Variants in TBC1D23 observed in about 807,000 individuals in gnomAD.
TBC1D23 encodes the protein TBC1 domain family member 23.
In TBC1D23, 55 loss-of-function variants were observed where a neutral mutation model predicts 91.4. The ratio of observed to expected loss-of-function variants is 0.60; its 90% CI spans 0.48 to 0.75. The LOEUF (loss-of-function observed/expected upper bound fraction) is 0.75. Ranked by LOEUF, TBC1D23 falls within the 30% of genes least tolerant of loss-of-function variation. TBC1D23 has a pLI of 0.00. For synonymous variants in TBC1D23, 289 were observed against 281.0 expected (o/e 1.03, Z -0.28); for missense variants, 725 against 836.1 (o/e 0.87, Z 1.64).
rs759486546 is a variant in TBC1D23, at chr3:100,304,847, A to G, written c.1265A>G (p.Lys422Arg). Residue 422 changes from lysine (K) to arginine (R), a missense_variant and splice_region_variant, in exon 12 of 19, where the codon AAA becomes AGA. Lys to Arg is a conservative substitution (Grantham distance 26). Coordinates refer to ENST00000394144, the MANE Select transcript of TBC1D23 (RefSeq NM_001199198.3). ...TTTAAATTTTCTTTTCCATTACAGA[A>G]AAACAAAGAATATGTGAGTATTGCC... The part of the protein sequence containing the change: ...MNMVLAHFLQ[K>R]NKEYVSIASG... The G allele has an allele frequency of 2.7e-6, 4 of 1,479,074 alleles. No homozygotes were observed. In the African/African-American group the frequency reaches 5.6e-5, roughly 21 times the overall value. 91.6% of individuals were successfully genotyped at this position (1,479,074 alleles called of 1,614,324 possible).
At chr3:100,301,232 C>G (rs1401262238) in intron 10 of TBC1D23, among the ~76,000 whole-genome samples, 2 of 139,150 alleles carry the variant, frequency 1.4e-5, no homozygotes, top group African/African-American at 5.5e-5. Flanking sequence ...GAGATCGCAC[C>G]AGTGCACTCC....
At chr3:100,299,369 T>A (rs566196818) in intron 10 of TBC1D23, 38 bp downstream of exon 10, 15 of 1,343,270 alleles carry the variant, frequency 1.1e-5, no homozygotes, top group Middle Eastern at 3.8e-4. Flanking sequence ...TTAAAGTAAC[T>A]TTTTTTCCTT....
chr3:100,295,414 C>G lies in TBC1D23; in HGVS notation c.772+66C>G, dbSNP rs558287373. ...TTATCTGTGTAAGTTACTCAGTTTC[C>G]TCATTCGTAAATTTAGGAGATTAGT... is the stretch of plus-strand genomic sequence containing the variant. On this transcript the variant is annotated intron_variant, in intron 7 of 18. Transcript: ENST00000394144. The G allele has an allele frequency of 1.0e-5, 14 of 1,340,410 alleles. No homozygotes were observed. In the East Asian group the frequency reaches 2.9e-4, roughly 28 times the overall value. The allele number at this position is 1,340,410 out of a possible 1,614,324, so 83.0% of individuals were successfully genotyped here. A position where few individuals can be genotyped will look rare whatever the true frequency, so the allele number is the denominator to read the frequency against.
chr3:100,289,382 G>A (rs1410446377), intron 4 of TBC1D23, among the ~76,000 whole-genome samples: 1 of 152,138 alleles, frequency 6.6e-6, no homozygotes, highest in East Asian at 1.9e-4. Flanking sequence ...GAACATAATA[G>A]TATCTAACAA....
intron 5 of TBC1D23, among the ~76,000 whole-genome samples, chr3:100,293,292 C>G (rs1484998313): frequency 1.3e-5 from 2 of 152,258 alleles, no homozygotes; most frequent in South Asian, 2.1e-4. Flanking sequence ...CGCCACCACA[C>G]CCGGCTAATT....
At chr3:100,310,756 T>C (rs1228410461) in intron 14 of TBC1D23, among the ~76,000 whole-genome samples, 1 of 152,218 alleles carries the variant, frequency 6.6e-6, no homozygotes, top group Non-Finnish European at 1.5e-5. Flanking sequence ...ATGCAAATAA[T>C]GTATCTGTCA....
At chr3:100,311,187 A>G (rs1705618689) in intron 14 of TBC1D23, among the ~76,000 whole-genome samples, 1 of 152,134 alleles carries the variant, frequency 6.6e-6, no homozygotes, top group African/African-American at 2.4e-5. Context: ...TGCAACACAG[A>G]ATTTGTTTTA....
At chr3:100,280,606 C>T (rs574397871) in intron 2 of TBC1D23, among the ~76,000 whole-genome samples, 1 of 152,196 alleles carries the variant, frequency 6.6e-6, no homozygotes, top group Admixed American at 6.5e-5. Context: ...ACCTTTTTGC[C>T]CTATGCACAT....
intron 15 of TBC1D23, among the ~76,000 whole-genome samples, chr3:100,313,771 A>C (rs1049682483): frequency 2.6e-5 from 4 of 152,204 alleles, no homozygotes; most frequent in Admixed American, 2.6e-4. Context: ...ATGGCATCAA[A>C]GCATTTTTAG....
In TBC1D23 at chr3:100,321,120, C is replaced by T. The variant is rs775655273; in HGVS notation, c.2018+149C>T. On this transcript the variant is annotated intron_variant, in intron 18 of 18. Coordinates refer to ENST00000394144, the MANE Select transcript of TBC1D23 (RefSeq NM_001199198.3). Reference sequence around the variant, plus strand: ...TTTTAGTGTTTCTTATCTCTTTCTCCGGAGTCCTTAGTCATGTGTGGTTTA... The same window carrying T: ...TTTTAGTGTTTCTTATCTCTTTCTCTGGAGTCCTTAGTCATGTGTGGTTTA... The T allele has an allele frequency of 8.5e-5, 52 of 614,586 alleles. 1 individual carries two copies. The highest frequency in any genetic ancestry group is 2.6e-4 in the East Asian group (9 of 34,462). The allele number at this position is 614,586 out of a possible 1,614,324, so 38.1% of individuals were successfully genotyped here. A position where few individuals can be genotyped will look rare whatever the true frequency, so the allele number is the denominator to read the frequency against.
chr3:100,296,162 A>C lies in TBC1D23; in HGVS notation c.773-10A>C, dbSNP rs1392254079. 2.7e-6 allele frequency: 4 copies of C among 1,455,708 alleles called. No individual in the cohort carries two copies. The African/African-American group carries it at 5.7e-5, about 21-fold the overall frequency. The allele number at this position is 1,455,708 out of a possible 1,614,324, so 90.2% of individuals were successfully genotyped here. On this transcript the variant is annotated splice_polypyrimidine_tract_variant and intron_variant, in intron 7 of 18. Coordinates refer to ENST00000394144, the MANE Select transcript of TBC1D23 (RefSeq NM_001199198.3). The stretch of plus-strand genomic sequence containing the variant: ...ACAAACTACTAAATATTATGTCTAT[A>C]ATATTTCAGAGTTCTTGGAAAATAC...
chr3:100,304,449 C>T (rs1478382246), intron 11 of TBC1D23, among the ~76,000 whole-genome samples: 1 of 151,928 alleles, frequency 6.6e-6, no homozygotes, highest in African/African-American at 2.4e-5. Flanking sequence ...CTTATTTCTT[C>T]ATAATTAGCT....
chr3:100,279,501 A>G (rs749513056), intron 1 of TBC1D23, 148 bp from the exon 2 acceptor site: 112 of 479,534 alleles, frequency 2.3e-4, no homozygotes, highest in Non-Finnish European at 3.8e-4. Flanking sequence ...ACAAGAAAAC[A>G]TGCTGTGTAT....
intron 1 of TBC1D23, among the ~76,000 whole-genome samples, chr3:100,262,635 GA>G (rs139285491): frequency 0.27 from 38,370 of 142,770 alleles, 5,324 homozygotes; most frequent in Non-Finnish European, 0.32. Flanking sequence ...TGAGGCAGGA[GA>G]ATCGCTTGAA....
chr3:100,316,035 C>A, intron 15 of TBC1D23, 64 bp from the exon 16 acceptor site: 1 of 1,308,842 alleles, frequency 7.6e-7, no homozygotes, highest in Non-Finnish European at 1.1e-6. Context: ...TCAAATGATG[C>A]TTGGTAAAAA....
intron 4 of TBC1D23, among the ~76,000 whole-genome samples, chr3:100,287,109 A>G (rs1475610559): frequency 6.6e-6 from 1 of 151,938 alleles, no homozygotes; most frequent in Non-Finnish European, 1.5e-5. Context: ...TACCGCGCCC[A>G]GCCTTTTTCT....
At chr3:100,261,270 C>G in intron 1 of TBC1D23, 199 bp downstream of exon 1, 1 of 591,974 alleles carries the variant, frequency 1.7e-6, no homozygotes, top group Non-Finnish European at 3.0e-6. Flanking sequence ...GGGCGGGACT[C>G]CCAAGGAGAG....
At chr3:100,275,534 C>T (rs1442477571) in intron 1 of TBC1D23, among the ~76,000 whole-genome samples, 1 of 152,168 alleles carries the variant, frequency 6.6e-6, no homozygotes, top group Admixed American at 6.5e-5. Context: ...GCCATCCAAC[C>T]AGAAGTGCTG....
At chr3:100,277,916 G>A (rs1383112791) in intron 1 of TBC1D23, among the ~76,000 whole-genome samples, 1 of 152,160 alleles carries the variant, frequency 6.6e-6, no homozygotes, top group Non-Finnish European at 1.5e-5. Flanking sequence ...TGACCATATA[G>A]CAAAAGAACT....
Sources: gnomAD v4.1 joint callset for allele counts (sites outside exome capture counted in the v4.1 genomes callset) on GRCh38, gnomAD v4.1.1 for gene constraint, MANE v1.5 for transcripts, NCBI Gene and HGNC (gene_info 2026-07-23, HGNC 2026-07-21) for gene names.